The following BAZ2B variants were observed in gnomAD, a reference collection of about 807,000 sequenced individuals.
BAZ2B encodes bromodomain adjacent to zinc finger domain protein 2B.
BAZ2B carries 91 observed loss-of-function variants against 246.0 expected under a neutral mutation model. That is an observed-to-expected ratio of 0.37 (90% confidence interval 0.31 to 0.44). The LOEUF (loss-of-function observed/expected upper bound fraction) is 0.44, where lower values mean the gene tolerates loss of function less well. Ranked by LOEUF, BAZ2B falls within the 20% of genes least tolerant of loss-of-function variation. The pLI is 1.00. For missense variants in BAZ2B, 2,332 were observed against 2,533.7 expected, an observed-to-expected ratio of 0.92 and a Z score of 1.71; for synonymous variants, 855 against 860.0, an observed-to-expected ratio of 0.99 and a Z score of 0.10.
At chr2:159,536,211 A>G (rs1463250824) in intron 2 of BAZ2B, 1 of 152,204 alleles carries the variant, frequency 6.6e-6, no homozygotes, top group Non-Finnish European at 1.5e-5. Flanking sequence ...TCAAATATTT[A>G]TTGATTGATT....
chr2:159,565,772 C>A, intron 1 of BAZ2B, among the ~76,000 whole-genome samples: 1 of 100,566 alleles, frequency 9.9e-6, no homozygotes, highest in Non-Finnish European at 2.2e-5. Flanking sequence ...GTGAGACTCC[C>A]ATCTCAAAAA....
chr2:159,374,970 C>T (rs1040303909), intron 25 of BAZ2B, among the ~76,000 whole-genome samples: 1 of 152,104 alleles, frequency 6.6e-6, no homozygotes, highest in Non-Finnish European at 1.5e-5. Context: ...AATCCCAGCA[C>T]TTTAGGATGC....
At position 159,374,708 on chromosome 2, in the gene BAZ2B, T is replaced by C. The variant is rs1018543979; in HGVS notation, c.4051A>G (p.Ile1351Val). ...AASVEELEKQIEKLSKQQSQY... is the reference protein window; with the variant it reads ...AASVEELEKQVEKLSKQQSQY... ...GTGCTTACTTTACTCAGTTTTTCAATCTGTTTTTCCAGCTCTTCAACACTT... is the reference window on the plus strand; with the variant it reads ...GTGCTTACTTTACTCAGTTTTTCAACCTGTTTTTCCAGCTCTTCAACACTT... The change falls in exon 26 of 37, where the codon ATT (isoleucine) becomes GTT (valine). Residue 1351 changes from isoleucine to valine, a missense_variant. This residue lies in a region of BAZ2B where 676 missense variants were observed against 668.6 expected (regional missense o/e 1.01). Coordinates refer to ENST00000392783, the MANE Select transcript of BAZ2B (RefSeq NM_013450.4). 3.1e-6 allele frequency: 5 copies of C among 1,612,916 alleles called. No individual in the cohort carries two copies. Among genetic ancestry groups the C allele is most frequent in the Non-Finnish European group, 8.5e-7 (1 of 1,179,320 alleles).
intron 3 of BAZ2B, among the ~76,000 whole-genome samples, chr2:159,469,668 T>G (rs1278821537): frequency 2.0e-5 from 3 of 152,088 alleles, no homozygotes; most frequent in Non-Finnish European, 4.4e-5. Flanking sequence ...CTCGAACTCC[T>G]GACCTCAAGT....
At chr2:159,639,289 G>C in the BAZ2B span, among the ~76,000 whole-genome samples, 1 of 152,142 alleles carries the variant, frequency 6.6e-6, no homozygotes, top group East Asian at 1.9e-4. Context: ...AAATCTTAAA[G>C]GGATTTCCTC....
At chr2:159,630,123 C>T in the BAZ2B span, among the ~76,000 whole-genome samples, 3 of 152,080 alleles carry the variant, frequency 2.0e-5, no homozygotes, top group Non-Finnish European at 4.4e-5. Flanking sequence ...AATTTGGAAC[C>T]ATATAAAGTC....
At chr2:159,436,717 C>T (rs2072404958) in intron 8 of BAZ2B, among the ~76,000 whole-genome samples, 1 of 152,114 alleles carries the variant, frequency 6.6e-6, no homozygotes, top group Non-Finnish European at 1.5e-5. Context: ...TGCCACTGCA[C>T]TCCAGCCTGG....
At chr2:159,589,875 A>G (rs1688893831) in intron 1 of BAZ2B, among the ~76,000 whole-genome samples, 1 of 152,090 alleles carries the variant, frequency 6.6e-6, no homozygotes, top group Non-Finnish European at 1.5e-5. Flanking sequence ...CCAAACCTTT[A>G]AGTCAACCAG....
At chr2:159,505,171 C>A (rs895499978) in intron 2 of BAZ2B, among the ~76,000 whole-genome samples, 5 of 152,058 alleles carry the variant, frequency 3.3e-5, no homozygotes, top group African/African-American at 1.2e-4. Context: ...AACAGTGAAG[C>A]AAAGAAGTAT....
At chr2:159,703,674 A>C in the BAZ2B span, among the ~76,000 whole-genome samples, 1 of 152,154 alleles carries the variant, frequency 6.6e-6, no homozygotes, top group African/African-American at 2.4e-5. Flanking sequence ...GCTTGAGCCC[A>C]GGAGGTCAAG....
chr2:159,693,251 A>G, the BAZ2B span: 1 of 151,916 alleles, frequency 6.6e-6, no homozygotes, highest in Non-Finnish European at 1.5e-5. Flanking sequence ...GCACCAGTTT[A>G]CGGAGCATTG....
At chr2:159,704,189 A>T in the BAZ2B span, among the ~76,000 whole-genome samples, 1 of 152,250 alleles carries the variant, frequency 6.6e-6, no homozygotes, top group Admixed American at 6.5e-5. Flanking sequence ...CTAGTTAAGC[A>T]GTACATATGT....
the BAZ2B span, among the ~76,000 whole-genome samples, chr2:159,671,793 A>C: frequency 2.0e-5 from 3 of 152,134 alleles, no homozygotes; most frequent in African/African-American, 7.2e-5. Flanking sequence ...TTTCCCTCTA[A>C]TGGCCACTTC....
In BAZ2B at chr2:159,432,860, G is replaced by A. The variant is rs1458110495; in HGVS notation, c.1797C>T (p.Pro599=). 6.2e-7 allele frequency: 1 copy of A among 1,613,984 alleles called. No homozygotes were observed. Among genetic ancestry groups the A allele is most frequent in the Non-Finnish European group, 8.5e-7 (1 of 1,179,990 alleles). ...EQFRGTDSDI[P]SSKDSEDSNE... is the part of the protein sequence containing the mutation. ...TTGAATCTTCAGAATCTTTACTACT[G>A]GGAATGTCTGAATCTGTTCCTCTGA... The change falls in exon 9 of 37, where the codon CCC becomes CCT. Residue 599 remains proline, a synonymous_variant. Coordinates refer to ENST00000392783, the MANE Select transcript of BAZ2B (RefSeq NM_013450.4).
chr2:159,429,242 C>T lies in BAZ2B; in HGVS notation c.2213G>A (p.Arg738Lys), dbSNP rs767607939. The change falls in exon 11 of 37, where the codon AGA (arginine) becomes AAA (lysine). Residue 738 changes from arginine (R) to lysine (K), a missense_variant. Coordinates refer to ENST00000392783, the MANE Select transcript of BAZ2B (RefSeq NM_013450.4). The part of the protein sequence containing the change: ...SPHSGTSKRR[R>K]VTDERELRIP... ...ACGCAGTTCACGTTCATCTGTTACT[C>T]TTCTTCTTTTGGAAGTGCCTTTAAA... 7.1e-6 allele frequency: 11 copies of T among 1,549,110 alleles called. No individual in the cohort carries two copies. The East Asian group carries it at 2.3e-4, about 32-fold the overall frequency.
intron 22 of BAZ2B, among the ~76,000 whole-genome samples, chr2:159,385,815 T>C (rs565639588): frequency 7.9e-5 from 12 of 152,178 alleles, no homozygotes; most frequent in African/African-American, 2.2e-4. Context: ...CTGAGGGAGA[T>C]AGAAGAAAAA....
chr2:159,691,727 C>A, the BAZ2B span, among the ~76,000 whole-genome samples: 1 of 152,144 alleles, frequency 6.6e-6, no homozygotes, highest in East Asian at 1.9e-4. Context: ...TCAAGGTTTA[C>A]GGTATTACAC....
Position 159,324,923 on chromosome 2 carries a change from C to A in BAZ2B, c.6241G>T (p.Asp2081Tyr). The A allele has an allele frequency of 6.5e-7, 1 of 1,549,532 alleles. No individual in the cohort carries two copies. The highest frequency in any genetic ancestry group is 8.6e-7 in the Non-Finnish European group (1 of 1,157,344). The change falls in exon 36 of 37, where the codon GAT becomes TAT. Residue 2081 changes from aspartate (D) to tyrosine (Y), a missense_variant. Around this residue, in one of 9 missense-constraint regions of BAZ2B, gnomAD observed 210 missense variants for 232.5 expected, o/e 0.90. Transcript: ENST00000392783. Reference sequence around the variant, plus strand: ...ACAGGAAGTAGAAAAGGCCATGCATCCTCATGAGTTTCCATTTCAGTCAGA... The same window carrying A: ...ACAGGAAGTAGAAAAGGCCATGCATACTCATGAGTTTCCATTTCAGTCAGA... ...MILTEMETHE[D>Y]AWPFLLPVNL...
intron 2 of BAZ2B, among the ~76,000 whole-genome samples, chr2:159,479,173 A>G (rs1402423430): frequency 6.6e-6 from 1 of 152,118 alleles, no homozygotes; most frequent in Admixed American, 6.5e-5. Flanking sequence ...TGTAGCTCTT[A>G]AGTGTCCAAG....
Sources: gnomAD v4.1 joint callset for allele counts (sites outside exome capture counted in the v4.1 genomes callset) on GRCh38, gnomAD v4.1.1 for gene constraint, gnomAD v4.1.1 regional missense constraint, MANE v1.5 for transcripts, NCBI Gene and HGNC (gene_info 2026-07-23, HGNC 2026-07-21) for gene names.